Variants in FRMD6 observed in about 807,000 individuals in gnomAD.
FRMD6 encodes FERM domain-containing protein 6.
In FRMD6, 37 loss-of-function variants were observed where a neutral mutation model predicts 73.2. The observed-to-expected ratio is 0.51, with a 90% CI of 0.39 to 0.66. FRMD6 has a LOEUF of 0.66. Ranked by LOEUF, FRMD6 falls within the 30% of genes least tolerant of loss-of-function variation. The pLI, the probability that FRMD6 is intolerant of heterozygous loss-of-function variation, is 0.00. For missense variants in FRMD6, 714 were observed against 780.5 expected (o/e 0.91, Z 1.02); for synonymous variants, 273 against 282.2 (o/e 0.97, Z 0.33).
intron 2 of FRMD6, among the ~76,000 whole-genome samples, chr14:51,625,804 C>G (rs1891093051): frequency 6.6e-6 from 1 of 152,142 alleles, no homozygotes; most frequent in Non-Finnish European, 1.5e-5. Context: ...TTTCCCTATT[C>G]TCCTCAGCTC....
chr14:51,575,449 G>T (rs1888350671), intron 2 of FRMD6, among the ~76,000 whole-genome samples: 1 of 152,230 alleles, frequency 6.6e-6, no homozygotes, highest in African/African-American at 2.4e-5. Context: ...TCCTGCAGAT[G>T]CAGATGCTCC....
the FRMD6 span, among the ~76,000 whole-genome samples, chr14:51,464,721 C>T: frequency 7.5e-3 from 1,137 of 152,148 alleles, 16 homozygotes; most frequent in South Asian, 0.031. Context: ...CCAGACAGAA[C>T]GTAGAGTGGT....
At chr14:51,649,041 T>C (rs1282594693), upstream of FRMD6, among the ~76,000 whole-genome samples, 1 of 152,218 alleles carries the variant, frequency 6.6e-6, no homozygotes, top group Non-Finnish European at 1.5e-5. Context: ...AGTTGCATTC[T>C]TTATTGTAAT....
At chr14:51,535,564 T>A (rs1488076710) in intron 1 of FRMD6, among the ~76,000 whole-genome samples, 2 of 152,250 alleles carry the variant, frequency 1.3e-5, no homozygotes, top group African/African-American at 4.8e-5. Context: ...ACTGTGTTCC[T>A]TTTTATGGCC....
At chr14:51,624,643 T>A (rs1222520595) in intron 2 of FRMD6, among the ~76,000 whole-genome samples, 5 of 152,222 alleles carry the variant, frequency 3.3e-5, no homozygotes. Context: ...AAATGGCCTC[T>A]GTAAGGCTCT....
the FRMD6 span, among the ~76,000 whole-genome samples, chr14:51,461,097 G>A: frequency 1.3e-5 from 2 of 152,166 alleles, no homozygotes; most frequent in African/African-American, 4.8e-5. Context: ...ACAGACATGT[G>A]TACTTGAGTT....
At chr14:51,613,988 C>A (rs562066703) in intron 2 of FRMD6, among the ~76,000 whole-genome samples, 1 of 152,116 alleles carries the variant, frequency 6.6e-6, no homozygotes, top group African/African-American at 2.4e-5. Flanking sequence ...GAATTTCACA[C>A]GTACCACACA....
At chr14:51,569,647 G>A (rs1405417174) in intron 1 of FRMD6, among the ~76,000 whole-genome samples, 1 of 151,282 alleles carries the variant, frequency 6.6e-6, no homozygotes, top group Non-Finnish European at 1.5e-5. Context: ...GGGACTACAG[G>A]CATGCCACCC....
chr14:51,411,359 C>T, the FRMD6 span, among the ~76,000 whole-genome samples: 1 of 152,106 alleles, frequency 6.6e-6, no homozygotes, highest in South Asian at 2.1e-4. Flanking sequence ...AAAGCAGAAA[C>T]TGGGAAGTAA....
chr14:51,527,617 T>G (rs1254206395), intron 1 of FRMD6, among the ~76,000 whole-genome samples: 1 of 152,188 alleles, frequency 6.6e-6, no homozygotes, highest in Non-Finnish European at 1.5e-5. Context: ...GTTTCATGAA[T>G]TATGAAAACC....
chr14:51,497,689 T>C lies in FRMD6; in HGVS notation c.-210+8269T>C, dbSNP rs550577330. 3.3e-5 allele frequency among the ~76,000 whole-genome samples: 5 copies of C among 152,216 alleles called. No individual in the cohort carries two copies. The East Asian group carries it at 9.6e-4, about 29-fold the overall frequency. On this transcript the variant is annotated intron_variant, in intron 1 of 14. Transcript: ENST00000356218. ...AATCTGTATAAAAATTATTGAGATATTTTAAACTTTTCCATACTACATGTT... is the reference window on the plus strand; with the variant it reads ...AATCTGTATAAAAATTATTGAGATACTTTAAACTTTTCCATACTACATGTT...
chr14:51,429,626 G>A, the FRMD6 span, among the ~76,000 whole-genome samples: 1 of 152,162 alleles, frequency 6.6e-6, no homozygotes, highest in African/African-American at 2.4e-5. Context: ...ATTCAATTAA[G>A]TGTCGTGGGC....
chr14:51,491,399 A>G (rs1228209821), intron 1 of FRMD6: 1 of 152,190 alleles, frequency 6.6e-6, no homozygotes, highest in Non-Finnish European at 1.5e-5. Context: ...TTTTTCATTG[A>G]TGGTTCCCCA....
In FRMD6 at chr14:51,637,055, C is replaced by T. The variant is rs572652002; in HGVS notation, c.-146-52636C>T. On this transcript the variant is annotated intron_variant, in intron 2 of 14. Coordinates refer to the FRMD6 transcript ENST00000356218. Reference sequence around the variant, plus strand: ...TCTGGGCAACACAGGGAGACCCTGTCTCTACAAATAATAATAATTAGCTGG... The same window carrying T: ...TCTGGGCAACACAGGGAGACCCTGTTTCTACAAATAATAATAATTAGCTGG... Among the ~76,000 whole-genome samples, 16 of 151,896 alleles carry T rather than the reference C, an allele frequency of 1.1e-4. No homozygotes were observed. In the East Asian group the frequency reaches 2.5e-3, roughly 24 times the overall value.
chr14:51,564,196 G>A (rs559763822), intron 1 of FRMD6, among the ~76,000 whole-genome samples: 5 of 152,148 alleles, frequency 3.3e-5, no homozygotes, highest in African/African-American at 4.8e-5. Flanking sequence ...TCTTTACACA[G>A]TACTTATATT....
At chr14:51,698,868 C>G (rs974137978) in intron 3 of FRMD6, among the ~76,000 whole-genome samples, 2 of 151,864 alleles carry the variant, frequency 1.3e-5, no homozygotes, top group African/African-American at 4.8e-5. Context: ...TTCTCTAAAG[C>G]CATTTATTAT....
intron 1 of FRMD6, among the ~76,000 whole-genome samples, chr14:51,493,003 G>C (rs1024304598): frequency 6.6e-6 from 1 of 152,142 alleles, no homozygotes; most frequent in South Asian, 2.1e-4. Context: ...TCACAATCCT[G>C]GGATATAGGT....
chr14:51,697,865 A>G, intron 2 of FRMD6: 1 of 240,130 alleles, frequency 4.2e-6, no homozygotes, highest in Non-Finnish European at 8.0e-6. Flanking sequence ...AAACTCATTT[A>G]TCATTTATCA....
the FRMD6 span, among the ~76,000 whole-genome samples, chr14:51,397,795 G>A: frequency 2.0e-5 from 3 of 152,126 alleles, no homozygotes; most frequent in African/African-American, 7.2e-5. Context: ...TCGTGCTTAA[G>A]ATTATTTAAA....
Sources: allele counts gnomAD v4.1 joint callset (sites outside exome capture counted in the v4.1 genomes callset), GRCh38; gene constraint gnomAD v4.1.1; transcripts MANE v1.5; gene names NCBI Gene and HGNC (gene_info 2026-07-23, HGNC 2026-07-21).